KLHL1: variants seen among roughly 807,000 people sequenced by gnomAD.
KLHL1 encodes the protein kelch like family member 1.
A neutral mutation model predicts 77.7 loss-of-function variants in KLHL1; 47 were observed. The observed-to-expected ratio is 0.60, with a 90% CI of 0.48 to 0.77. The LOEUF (loss-of-function observed/expected upper bound fraction) is 0.77. Ranked by LOEUF, KLHL1 falls within the 30% of genes least tolerant of loss-of-function variation. KLHL1 has a pLI of 0.00. For synonymous variants in KLHL1, 360 were observed against 325.2 expected (o/e 1.11, Z -1.15); for missense variants, 925 against 910.8 (o/e 1.02, Z -0.20).
At chr13:69,735,604 TAAAC>T (rs1873733109) in intron 8 of KLHL1, among the ~76,000 whole-genome samples, 1 of 150,080 alleles carries the variant, frequency 6.7e-6, no homozygotes, top group Non-Finnish European at 1.5e-5. Flanking sequence ...AAAATATAAA[TAAAC>T]ATGAATAACC....
At chr13:69,796,663 A>G (rs1877118839) in intron 7 of KLHL1, 75 bp downstream of exon 7, 4 of 1,067,544 alleles carry the variant, frequency 3.7e-6, no homozygotes, top group Non-Finnish European at 5.5e-6. Context: ...ACAGACATCA[A>G]TAATATATTT....
chr13:70,067,612 A>G (rs550824063), intron 1 of KLHL1, among the ~76,000 whole-genome samples: 2 of 150,486 alleles, frequency 1.3e-5, no homozygotes, highest in East Asian at 3.9e-4. Context: ...GTCTTAGTAC[A>G]GGGGCTCAGA....
intron 1 of KLHL1, among the ~76,000 whole-genome samples, chr13:70,083,560 C>T (rs1347133864): frequency 2.6e-5 from 4 of 151,870 alleles, no homozygotes; most frequent in Non-Finnish European, 4.4e-5. Flanking sequence ...CTGTGCAAAT[C>T]GTAATATTGT....
chr13:69,956,080 ATAT>A (rs1444649118), intron 3 of KLHL1, among the ~76,000 whole-genome samples: 2 of 138,758 alleles, frequency 1.4e-5, no homozygotes, highest in Non-Finnish European at 3.1e-5. Context: ...TTTGATATAT[ATAT>A]TTTTATATAT....
chr13:69,750,663 A>G (rs915940796), intron 7 of KLHL1, among the ~76,000 whole-genome samples: 1 of 151,964 alleles, frequency 6.6e-6, no homozygotes. Flanking sequence ...TGACTCATAT[A>G]CTATTTTAAA....
At chr13:69,729,192 T>C (rs1014441591) in intron 8 of KLHL1, among the ~76,000 whole-genome samples, 6 of 152,180 alleles carry the variant, frequency 3.9e-5, no homozygotes, top group African/African-American at 1.4e-4. Flanking sequence ...GTGTGTTTTC[T>C]TTATTCACCA....
chr13:69,908,444 C>T (rs4884863), intron 4 of KLHL1, among the ~76,000 whole-genome samples: 88,418 of 149,876 alleles, frequency 0.59, 26,036 homozygotes, highest in South Asian at 0.66. Context: ...ATATCTCAAA[C>T]TAACATTCAA....
At chr13:70,100,007 T>C (rs376773605) in intron 1 of KLHL1, among the ~76,000 whole-genome samples, 1 of 152,022 alleles carries the variant, frequency 6.6e-6, no homozygotes, top group African/African-American at 2.4e-5. Flanking sequence ...CAAAAAATTA[T>C]TTTGTTTATT....
intron 1 of KLHL1, among the ~76,000 whole-genome samples, chr13:70,098,808 A>C (rs1324377945): frequency 6.6e-6 from 1 of 151,786 alleles, no homozygotes; most frequent in African/African-American, 2.4e-5. Context: ...ATTATATTAT[A>C]GTTTTAATTG....
intron 6 of KLHL1, among the ~76,000 whole-genome samples, chr13:69,814,116 G>A (rs1362528755): frequency 4.6e-5 from 7 of 151,996 alleles, no homozygotes; most frequent in African/African-American, 1.5e-4. Context: ...GCTGATCTTT[G>A]ACAATGACAA....
rs59252203 is a variant in KLHL1 at position 69,771,276 on chromosome 13, C to CAA, written c.1639+25460_1639+25461dup. 1.4e-3 allele frequency among the ~76,000 whole-genome samples: 175 copies of CAA among 128,044 alleles called. 5 individuals carry two copies. The highest frequency in any genetic ancestry group is 0.01 in the South Asian group (41 of 3,914). The allele number at this position is 128,044 out of a possible 152,430, so 84.0% of individuals were successfully genotyped here. ...AACACCATGTGCCTTTAGCAACTTTCAAAAAAAAAAAAAAAACATGCTCTT... is the reference window on the plus strand; with the variant it reads ...AACACCATGTGCCTTTAGCAACTTTCAAAAAAAAAAAAAAAAAACATGCTCTT... On this transcript the variant is annotated intron_variant, in intron 7 of 10. Coordinates refer to ENST00000377844, the MANE Select transcript of KLHL1 (RefSeq NM_020866.3).
intron 8 of KLHL1, among the ~76,000 whole-genome samples, chr13:69,735,682 AAAGAT>A (rs1015059983): frequency 1.3e-5 from 2 of 151,408 alleles, no homozygotes; most frequent in African/African-American, 4.8e-5. Context: ...AGTAATTTTA[AAAGAT>A]AAAAGTACAA....
At chr13:69,937,742 A>G (rs144232509) in intron 4 of KLHL1, among the ~76,000 whole-genome samples, 2 of 152,300 alleles carry the variant, frequency 1.3e-5, no homozygotes, top group African/African-American at 4.8e-5. Flanking sequence ...AATTATTTGC[A>G]CAAATTCAGT....
intron 1 of KLHL1, among the ~76,000 whole-genome samples, chr13:70,004,757 A>T (rs1437327850): frequency 6.6e-6 from 1 of 151,852 alleles, no homozygotes; most frequent in Non-Finnish European, 1.5e-5. Context: ...TAACTTTATT[A>T]TATGAAATTG....
intron 5 of KLHL1, among the ~76,000 whole-genome samples, chr13:69,864,823 C>T (rs772104684): frequency 2.0e-5 from 3 of 152,088 alleles, no homozygotes; most frequent in Non-Finnish European, 4.4e-5. Flanking sequence ...TCTAAATGAT[C>T]TAAATGAAAT....
At chr13:69,951,745 G>A (rs1218903358) in intron 3 of KLHL1, among the ~76,000 whole-genome samples, 2 of 151,244 alleles carry the variant, frequency 1.3e-5, no homozygotes, top group Non-Finnish European at 3.0e-5. Flanking sequence ...TTACCTTGCT[G>A]CTACCATTAT....
At chr13:69,733,206 G>A in intron 8 of KLHL1, among the ~76,000 whole-genome samples, 1 of 150,988 alleles carries the variant, frequency 6.6e-6, no homozygotes, top group African/African-American at 2.4e-5. Flanking sequence ...TAAAAGTTTG[G>A]GTTATACAAA....
At chr13:69,881,105 G>A (rs1593913708) in intron 5 of KLHL1, among the ~76,000 whole-genome samples, 1 of 152,110 alleles carries the variant, frequency 6.6e-6, no homozygotes, top group East Asian at 1.9e-4. Flanking sequence ...TTCTTTGTAA[G>A]AGCCTGTTGT....
At chr13:69,999,442 T>C (rs1885233513) in intron 1 of KLHL1, among the ~76,000 whole-genome samples, 1 of 152,014 alleles carries the variant, frequency 6.6e-6, no homozygotes. Flanking sequence ...ATACATACAT[T>C]TTTTGCTTAA....
Sources: gnomAD v4.1 joint callset for allele counts (sites outside exome capture counted in the v4.1 genomes callset) on GRCh38, gnomAD v4.1.1 for gene constraint, MANE v1.5 for transcripts, NCBI Gene and HGNC (gene_info 2026-07-23, HGNC 2026-07-21) for gene names.